CTNNA2: variants seen among roughly 807,000 people sequenced by gnomAD.
CTNNA2 encodes the protein catenin alpha-2.
In CTNNA2, 42 loss-of-function variants were observed where a neutral mutation model predicts 101.0. That is an observed-to-expected ratio of 0.42 (90% CI 0.32 to 0.54). The LOEUF (loss-of-function observed/expected upper bound fraction) is 0.54. Among genes scored for constraint, CTNNA2 ranks in the 20% least tolerant of loss-of-function variants. The pLI is 0.14. For missense variants in CTNNA2, 871 were observed against 1,223.1 expected (o/e 0.71, Z 4.29); for synonymous variants, 450 against 456.4 (o/e 0.99, Z 0.18).
At chr2:79,524,910 C>CTTTTTTTTTT (rs528354980) in intron 1 of CTNNA2, 1 of 142,110 alleles carries the variant, frequency 7.0e-6, no homozygotes. Context: ...TTCCATGGTG[C>CTTTTTTTTTT]TTTTTTTTTT....
intron 3 of CTNNA2, chr2:79,373,695 A>C (rs1212160771): frequency 6.6e-6 from 1 of 152,166 alleles, no homozygotes; most frequent in Non-Finnish European, 1.5e-5. Flanking sequence ...AGTGAGTTAC[A>C]CAGACCTTAA....
Position 79,616,159 on chromosome 2 carries a change from T to A in CTNNA2, c.-5-35393T>A, listed in dbSNP as rs79823491. 7.3e-3 allele frequency among the ~76,000 whole-genome samples: 1,114 copies of A among 152,308 alleles called. 62 individuals are homozygous for A. The East Asian group carries it at 0.12, about 16-fold the overall frequency. ...AGTTGGGTGGTATCTGCTCTATGCA[T>A]GATTAAAAGCATGAGTTAAAAGTAA... On this transcript the variant is annotated intron_variant, in intron 1 of 18. Coordinates refer to ENST00000402739, the MANE Select transcript of CTNNA2 (RefSeq NM_001282597.3).
At chr2:80,594,447 T>A (rs1696772533) in intron 15 of CTNNA2, among the ~76,000 whole-genome samples, 1 of 152,102 alleles carries the variant, frequency 6.6e-6, no homozygotes, top group African/African-American at 2.4e-5. Flanking sequence ...TTTCTCTCAT[T>A]TTATTGGTTT....
chr2:80,393,082 T>A, intron 7 of CTNNA2, 129 bp from the exon 8 acceptor site: 1 of 620,804 alleles, frequency 1.6e-6, no homozygotes, highest in South Asian at 2.4e-5. Context: ...GTTATAGTTA[T>A]GTATTGAAAA....
intron 18 of CTNNA2, among the ~76,000 whole-genome samples, chr2:80,631,319 C>A (rs1672263383): frequency 6.7e-6 from 1 of 149,668 alleles, no homozygotes. Context: ...AAGAAGTTTT[C>A]CAATTGCATG....
intron 3 of CTNNA2, among the ~76,000 whole-genome samples, chr2:79,766,808 T>A (rs538949251): frequency 2.6e-5 from 4 of 152,020 alleles, no homozygotes. Context: ...CAGGCTGGAG[T>A]GCAGCGGCAT....
chr2:79,943,035 G>A (rs1688264405), intron 7 of CTNNA2, among the ~76,000 whole-genome samples: 1 of 152,090 alleles, frequency 6.6e-6, no homozygotes, highest in Non-Finnish European at 1.5e-5. Flanking sequence ...TGGCCAATGT[G>A]TTGAAACCCC....
intron 7 of CTNNA2, among the ~76,000 whole-genome samples, chr2:80,380,028 C>CTTT (rs769794108): frequency 1.0e-4 from 9 of 86,544 alleles, no homozygotes; most frequent in African/African-American, 2.3e-4. Flanking sequence ...TCGAGATGTA[C>CTTT]TTTTTTTTTT....
intron 3 of CTNNA2, among the ~76,000 whole-genome samples, chr2:79,326,268 T>G (rs774118375): frequency 6.0e-5 from 9 of 149,746 alleles, no homozygotes; most frequent in Non-Finnish European, 1.3e-4. Flanking sequence ...AACATCATAT[T>G]CATGAATGCA....
chr2:79,383,247 TA>T (rs1678059890), intron 4 of CTNNA2, among the ~76,000 whole-genome samples: 1 of 152,186 alleles, frequency 6.6e-6, no homozygotes, highest in Admixed American at 6.5e-5. Context: ...CCAAAAATCT[TA>T]GATAATGACA....
intron 1 of CTNNA2, among the ~76,000 whole-genome samples, chr2:79,601,836 G>T (rs1007248365): frequency 7.9e-5 from 12 of 152,116 alleles, no homozygotes; most frequent in Admixed American, 6.5e-4. Context: ...CCTGACCTAT[G>T]TCCCCACCAT....
chr2:80,035,990 CACAGCA>C, intron 7 of CTNNA2, among the ~76,000 whole-genome samples: 1 of 152,180 alleles, frequency 6.6e-6, no homozygotes, highest in East Asian at 1.9e-4. Flanking sequence ...CTACATGAGC[CACAGCA>C]AGTCTTTTGA....
chr2:79,302,675 A>T (rs535765258), intron 2 of CTNNA2, among the ~76,000 whole-genome samples: 2 of 152,250 alleles, frequency 1.3e-5, no homozygotes, highest in African/African-American at 4.8e-5. Flanking sequence ...TGCAAATTAG[A>T]TCTAGATTTT....
intron 2 of CTNNA2, among the ~76,000 whole-genome samples, chr2:79,216,091 G>A (rs916543616): frequency 2.0e-5 from 3 of 152,108 alleles, no homozygotes; most frequent in East Asian, 1.9e-4. Flanking sequence ...CCTATTTTAC[G>A]ACAAGAATTA....
intron 2 of CTNNA2, among the ~76,000 whole-genome samples, chr2:79,279,074 C>A (rs375337152): frequency 5.3e-5 from 8 of 152,020 alleles, no homozygotes; most frequent in Non-Finnish European, 1.0e-4. Context: ...TTGTTGTGAA[C>A]CTTTAATCTC....
At chr2:80,431,909 TC>T (rs1681560994) in intron 9 of CTNNA2, among the ~76,000 whole-genome samples, 1 of 152,116 alleles carries the variant, frequency 6.6e-6, no homozygotes, top group Admixed American at 6.5e-5. Flanking sequence ...GTTTTTTTTT[TC>T]TTTTTCTTTT....
rs534350517 is a variant in CTNNA2 at position 80,031,967 on chromosome 2, T to C, written c.1056+122170T>C. On this transcript the variant is annotated intron_variant, in intron 7 of 18. Transcript: ENST00000402739. ...TTGTTTTAAATGTCGAAAATAATTCTTGAGAAATCTGTTTTGAAGGTGACT... is the reference window on the plus strand; with the variant it reads ...TTGTTTTAAATGTCGAAAATAATTCCTGAGAAATCTGTTTTGAAGGTGACT... 1.7e-4 allele frequency among the ~76,000 whole-genome samples: 26 copies of C among 152,364 alleles called. No homozygotes were observed. The South Asian group carries it at 4.8e-3, about 28-fold the overall frequency.
rs376254040 is a variant in CTNNA2 at position 80,019,589 on chromosome 2, C to T, written c.1056+109792C>T. ...ATTTTCTTTTTAAAGAAAATCTCTTCTGCCCTAAGGAAGCTTTTATTTTCT... is the reference window on the plus strand; with the variant it reads ...ATTTTCTTTTTAAAGAAAATCTCTTTTGCCCTAAGGAAGCTTTTATTTTCT... On this transcript the variant is annotated intron_variant, in intron 7 of 18. Coordinates refer to ENST00000402739, the MANE Select transcript of CTNNA2 (RefSeq NM_001282597.3). 7.9e-5 allele frequency among the ~76,000 whole-genome samples: 12 copies of T among 152,320 alleles called. No individual in the cohort carries two copies. In the East Asian group the frequency reaches 2.1e-3, roughly 27 times the overall value.
chr2:80,060,676 T>TGCTCTTTCTTCTTGCCTTCG (rs1697526511), intron 7 of CTNNA2, among the ~76,000 whole-genome samples: 1 of 152,164 alleles, frequency 6.6e-6, no homozygotes, highest in Non-Finnish European at 1.5e-5. Context: ...TGACCTGGAA[T>TGCTCTTTCTTCTTGCCTTCG]GCTCTTTCTT....
Sources: allele counts gnomAD v4.1 joint callset (sites outside exome capture counted in the v4.1 genomes callset), GRCh38; gene constraint gnomAD v4.1.1; transcripts MANE v1.5; gene names NCBI Gene and HGNC (gene_info 2026-07-23, HGNC 2026-07-21).